Variants in SNTG2 observed in about 807,000 individuals in gnomAD.
The protein encoded by SNTG2 is gamma-2-syntrophin.
In SNTG2, 74 loss-of-function variants were observed where a neutral mutation model predicts 70.9. That is an observed-to-expected ratio of 1.04 (90% confidence interval 0.86 to 1.27). SNTG2 has a LOEUF of 1.27. SNTG2 is among the 50% of genes most tolerant of loss of function. SNTG2 has a pLI of 0.00. For missense variants in SNTG2, 717 were observed against 690.7 expected (o/e 1.04, Z -0.43); for synonymous variants, 278 against 273.8 (o/e 1.02, Z -0.15).
At chr2:1,135,036 CA>C (rs1251561828) in intron 4 of SNTG2, among the ~76,000 whole-genome samples, 1 of 152,136 alleles carries the variant, frequency 6.6e-6, no homozygotes, top group Non-Finnish European at 1.5e-5. Context: ...CCAGGCCCTG[CA>C]AAAAAGTCTG....
intron 1 of SNTG2, among the ~76,000 whole-genome samples, chr2:1,028,485 G>A (rs1017939686): frequency 3.9e-5 from 6 of 152,242 alleles, no homozygotes; most frequent in African/African-American, 1.4e-4. Context: ...AATGCTGGCT[G>A]AGAAGCTTCC....
intron 6 of SNTG2, among the ~76,000 whole-genome samples, chr2:1,152,564 G>A (rs1669577101): frequency 2.8e-5 from 2 of 71,360 alleles, no homozygotes; most frequent in South Asian, 4.9e-4. Flanking sequence ...GTTTCTAGGT[G>A]TGCACATGTG....
chr2:1,134,069 C>T (rs567432379), intron 4 of SNTG2, among the ~76,000 whole-genome samples: 14 of 151,446 alleles, frequency 9.2e-5, no homozygotes, highest in South Asian at 2.1e-4. Context: ...GCTCTTAAGG[C>T]GGTGCGTCTG....
chr2:1,176,379 A>G (rs1179618267), intron 8 of SNTG2, among the ~76,000 whole-genome samples: 4 of 152,158 alleles, frequency 2.6e-5, no homozygotes, highest in African/African-American at 7.2e-5. Flanking sequence ...TAAAGAAATA[A>G]CCTGTATAAC....
chr2:1,362,152 C>CG lies in SNTG2; in HGVS notation c.1489-5191_1489-5190insG, dbSNP rs1558232862. 1.4e-3 allele frequency among the ~76,000 whole-genome samples: 209 copies of CG among 146,918 alleles called. 4 individuals are homozygous for CG. Among genetic ancestry groups the CG allele is most frequent in the Middle Eastern group, 3.7e-3 (1 of 272 alleles). ...GTAGAACTTCCACGAAGGTCACCGACCCTGAGCATTTCAGTAGAACTTCCA... is the reference window on the plus strand; with the variant it reads ...GTAGAACTTCCACGAAGGTCACCGACGCCTGAGCATTTCAGTAGAACTTCCA... On this transcript the variant is annotated intron_variant, in intron 16 of 16. Transcript: ENST00000308624.
At chr2:1,169,228 A>G (rs1186043119) in intron 7 of SNTG2, among the ~76,000 whole-genome samples, 3 of 152,118 alleles carry the variant, frequency 2.0e-5, no homozygotes, top group African/African-American at 7.2e-5. Flanking sequence ...AGTGGCTTGG[A>G]CAGGAGGAGG....
chr2:1,176,654 A>T (rs1671497711), intron 8 of SNTG2, among the ~76,000 whole-genome samples: 1 of 147,646 alleles, frequency 6.8e-6, no homozygotes, highest in Non-Finnish European at 1.5e-5. Flanking sequence ...TTACAAGAAA[A>T]AAAAAAACAT....
chr2:976,063 C>T lies in SNTG2; in HGVS notation c.72+24995C>T, dbSNP rs530416580. Among the ~76,000 whole-genome samples the T allele has an allele frequency of 5.3e-5, 8 of 152,294 alleles. 1 individual carries two copies. In the South Asian group the frequency reaches 1.7e-3, roughly 32 times the overall value. On this transcript the variant is annotated intron_variant, in intron 1 of 16. Coordinates refer to ENST00000308624, the MANE Select transcript of SNTG2 (RefSeq NM_018968.4). ...CAGGGTCTCCCACAACTGCTCTTTT[C>T]TTCAGAGAAGAGAAACCTGTGGCTT...
chr2:1,250,834 G>A (rs1667643719), intron 12 of SNTG2, among the ~76,000 whole-genome samples: 1 of 152,176 alleles, frequency 6.6e-6, no homozygotes, highest in African/African-American at 2.4e-5. Context: ...CATCTTTGGT[G>A]TGGGAAACTG....
At chr2:1,150,641 G>C (rs1441802347) in intron 6 of SNTG2, among the ~76,000 whole-genome samples, 1 of 152,130 alleles carries the variant, frequency 6.6e-6, no homozygotes, top group East Asian at 1.9e-4. Flanking sequence ...AAAAGTAAAG[G>C]GGCATCCTGT....
At chr2:957,876 G>A (rs554629574) in intron 1 of SNTG2, among the ~76,000 whole-genome samples, 24 of 152,208 alleles carry the variant, frequency 1.6e-4, no homozygotes, top group Non-Finnish European at 3.4e-4. Flanking sequence ...AATGTGCATT[G>A]TTTTAAGCCA....
intron 16 of SNTG2, chr2:1,341,196 T>C (rs1344228155): frequency 1.3e-5 from 2 of 152,206 alleles, no homozygotes; most frequent in Non-Finnish European, 2.9e-5. Flanking sequence ...ATCCTCTGAA[T>C]CTTCCCCCTT....
intron 1 of SNTG2, among the ~76,000 whole-genome samples, chr2:973,980 TTC>T (rs1660831210): frequency 6.6e-6 from 1 of 152,212 alleles, no homozygotes; most frequent in Non-Finnish European, 1.5e-5. Flanking sequence ...ATTTTGAAAT[TTC>T]TGTCTGGTAT....
intron 15 of SNTG2, among the ~76,000 whole-genome samples, chr2:1,314,668 C>T (rs564731698): frequency 6.6e-6 from 1 of 152,234 alleles, no homozygotes; most frequent in African/African-American, 2.4e-5. Flanking sequence ...AATTGACAAC[C>T]ACGGGATATT....
At chr2:1,322,577 T>C (rs773844845) in intron 16 of SNTG2, among the ~76,000 whole-genome samples, 1 of 152,140 alleles carries the variant, frequency 6.6e-6, no homozygotes, top group Non-Finnish European at 1.5e-5. Flanking sequence ...GGTACCAGAT[T>C]CAACTCCCTG....
chr2:1,208,605 G>T (rs1310323695), intron 8 of SNTG2, among the ~76,000 whole-genome samples: 2 of 152,146 alleles, frequency 1.3e-5, no homozygotes, highest in Non-Finnish European at 2.9e-5. Flanking sequence ...ACCCGACGAG[G>T]CCTCACCACT....
At chr2:1,296,612 AG>A in intron 14 of SNTG2, among the ~76,000 whole-genome samples, 1 of 152,330 alleles carries the variant, frequency 6.6e-6, no homozygotes, top group Admixed American at 6.5e-5. Context: ...CTGGTCACTC[AG>A]GGACCTCAAG....
chr2:1,014,979 C>T (rs1019378367), intron 1 of SNTG2, among the ~76,000 whole-genome samples: 2 of 152,092 alleles, frequency 1.3e-5, no homozygotes, highest in African/African-American at 2.4e-5. Context: ...AAGCCGGGGG[C>T]CCCGGGAGGG....
chr2:1,299,284 A>AC (rs1680350812), intron 14 of SNTG2, among the ~76,000 whole-genome samples: 3 of 152,296 alleles, frequency 2.0e-5, no homozygotes, highest in Admixed American at 2.0e-4. Context: ...ATGTCCGCAA[A>AC]CCAAGTGGCT....
Sources: allele counts gnomAD v4.1 joint callset (sites outside exome capture counted in the v4.1 genomes callset), GRCh38; gene constraint gnomAD v4.1.1; transcripts MANE v1.5; gene names NCBI Gene and HGNC (gene_info 2026-07-23, HGNC 2026-07-21).